Variants in UBE2E2 observed in about 807,000 individuals in gnomAD.
UBE2E2 encodes ubiquitin-conjugating enzyme E2 E2.
UBE2E2 carries 6 observed loss-of-function variants against 24.7 expected under a neutral mutation model. That is an observed-to-expected ratio of 0.24 (90% confidence interval 0.13 to 0.48). The LOEUF is 0.48. Among genes scored for constraint, UBE2E2 ranks in the 20% least tolerant of loss-of-function variants. UBE2E2 has a pLI of 0.99. For missense variants in UBE2E2, 169 were observed against 245.0 expected (o/e 0.69, Z 2.07); for synonymous variants, 104 against 83.6 (o/e 1.24, Z -1.33).
intron 3 of UBE2E2, among the ~76,000 whole-genome samples, chr3:23,314,126 G>A (rs1371217028): frequency 6.6e-6 from 1 of 152,012 alleles, no homozygotes; most frequent in South Asian, 2.1e-4. Context: ...AGTTGCTGTA[G>A]TTACTCTTTT....
intron 4 of UBE2E2, among the ~76,000 whole-genome samples, chr3:23,500,975 C>A (rs898355047): frequency 6.6e-6 from 1 of 152,152 alleles, no homozygotes; most frequent in African/African-American, 2.4e-5. Flanking sequence ...CCACCAAGAG[C>A]TTGCATTTGG....
rs184555409 is a variant in UBE2E2 at position 23,491,165 on chromosome 3, T to A, written c.228-8443T>A. Among the ~76,000 whole-genome samples, 849 of 151,790 alleles carry A rather than the reference T, an allele frequency of 5.6e-3. 7 individuals carry two copies. Among genetic ancestry groups the A allele is most frequent in the Middle Eastern group, 0.017 (5 of 294 alleles). On this transcript the variant is annotated intron_variant, in intron 3 of 5. Transcript: ENST00000396703. ...GTAGACTTTGGCAGTATTGGTTTTT[T>A]AAAAAAAAATTAATGAATACAAATA...
intron 4 of UBE2E2, among the ~76,000 whole-genome samples, chr3:23,529,162 G>A (rs1439911011): frequency 6.6e-6 from 1 of 152,208 alleles, no homozygotes; most frequent in Non-Finnish European, 1.5e-5. Flanking sequence ...AGGCAACTAT[G>A]GCTATCGCAG....
At chr3:23,443,363 T>C (rs1280211497) in intron 3 of UBE2E2, among the ~76,000 whole-genome samples, 1 of 152,140 alleles carries the variant, frequency 6.6e-6, no homozygotes, top group Admixed American at 6.5e-5. Context: ...ACAAGGAGAA[T>C]ATGGTTTGGT....
At chr3:23,529,954 T>C (rs1257524430) in intron 4 of UBE2E2, among the ~76,000 whole-genome samples, 3 of 152,260 alleles carry the variant, frequency 2.0e-5, no homozygotes, top group African/African-American at 7.2e-5. Context: ...TACAACTGTT[T>C]TAGCTGAGTC....
chr3:23,354,094 C>T (rs892487430), intron 3 of UBE2E2, among the ~76,000 whole-genome samples: 21 of 152,122 alleles, frequency 1.4e-4, no homozygotes, highest in African/African-American at 5.1e-4. Context: ...ATATCTACAA[C>T]TATCTGATCT....
intron 3 of UBE2E2, among the ~76,000 whole-genome samples, chr3:23,365,371 T>G (rs1696226020): frequency 6.6e-6 from 1 of 152,182 alleles, no homozygotes; most frequent in African/African-American, 2.4e-5. Flanking sequence ...GAAAACCCCA[T>G]AGCCACTGCC....
intron 3 of UBE2E2, among the ~76,000 whole-genome samples, chr3:23,219,983 G>C (rs1696581401): frequency 6.6e-6 from 1 of 151,986 alleles, no homozygotes; most frequent in Non-Finnish European, 1.5e-5. Context: ...TCTGAATTTT[G>C]GTGCATCTCT....
At chr3:23,480,160 G>A (rs752058758) in intron 3 of UBE2E2, among the ~76,000 whole-genome samples, 12 of 152,160 alleles carry the variant, frequency 7.9e-5, no homozygotes, top group African/African-American at 2.4e-4. Flanking sequence ...CAGTGCCCCC[G>A]GCCTCCCTCC....
At chr3:23,222,854 C>T (rs1696694097) in intron 3 of UBE2E2, among the ~76,000 whole-genome samples, 1 of 152,150 alleles carries the variant, frequency 6.6e-6, no homozygotes, top group African/African-American at 2.4e-5. Flanking sequence ...GAGCCTTCCC[C>T]TTTCTCCGCA....
intron 3 of UBE2E2, among the ~76,000 whole-genome samples, chr3:23,400,863 T>C (rs1208510547): frequency 6.6e-6 from 1 of 152,144 alleles, no homozygotes; most frequent in Non-Finnish European, 1.5e-5. Flanking sequence ...TACTTAAGGC[T>C]ATTCTGGGTA....
chr3:23,426,181 G>T (rs1333530319), intron 3 of UBE2E2, among the ~76,000 whole-genome samples: 1 of 152,000 alleles, frequency 6.6e-6, no homozygotes, highest in East Asian at 1.9e-4. Flanking sequence ...TATGTCAGTA[G>T]AAACTTCCAA....
Position 23,324,859 on chromosome 3 carries a change from G to C in UBE2E2, c.227+107547G>C, listed in dbSNP as rs971349251. On this transcript the variant is annotated intron_variant, in intron 3 of 5. Coordinates refer to ENST00000396703, the MANE Select transcript of UBE2E2 (RefSeq NM_152653.4). The stretch of plus-strand genomic sequence containing the variant: ...CTGTGGTATTTTGTTTTGTTAAATA[G>C]TGTGTTATATAATGAATAGTGGAAT... 7.9e-5 allele frequency among the ~76,000 whole-genome samples: 12 copies of C among 151,864 alleles called. 2 individuals are homozygous for C. Among genetic ancestry groups the C allele is most frequent in the Admixed American group, 2.0e-4 (3 of 15,244 alleles).
At chr3:23,266,923 T>C (rs1168540799) in intron 3 of UBE2E2, among the ~76,000 whole-genome samples, 1 of 152,082 alleles carries the variant, frequency 6.6e-6, no homozygotes, top group African/African-American at 2.4e-5. Flanking sequence ...TGCAACTACA[T>C]GGAAACTGAA....
At chr3:23,350,704 T>C (rs1292271583) in intron 3 of UBE2E2, among the ~76,000 whole-genome samples, 2 of 152,216 alleles carry the variant, frequency 1.3e-5, no homozygotes, top group Non-Finnish European at 2.9e-5. Flanking sequence ...TAAAAAGATA[T>C]GAACAAAGCC....
chr3:23,456,687 G>T (rs1698686922), intron 3 of UBE2E2, among the ~76,000 whole-genome samples: 1 of 152,214 alleles, frequency 6.6e-6, no homozygotes, highest in South Asian at 2.1e-4. Context: ...AAACTGTGCA[G>T]TAAACAAGTG....
intron 3 of UBE2E2, among the ~76,000 whole-genome samples, chr3:23,320,886 G>T (rs1003579931): frequency 6.6e-6 from 1 of 152,192 alleles, no homozygotes; most frequent in African/African-American, 2.4e-5. Context: ...TCCTAGGGCT[G>T]CTGTAACAAA....
At chr3:23,271,017 TCTTA>T (rs1342002782) in intron 3 of UBE2E2, 3 of 456,772 alleles carry the variant, frequency 6.6e-6, no homozygotes, top group Middle Eastern at 6.5e-4. Flanking sequence ...GCAGACTTCA[TCTTA>T]CTTCTATTCA....
chr3:23,482,541 T>TCGAC, intron 3 of UBE2E2, among the ~76,000 whole-genome samples: 2 of 152,254 alleles, frequency 1.3e-5, no homozygotes, highest in East Asian at 3.9e-4. Context: ...CACGCTGTTC[T>TCGAC]TGACTCCCTT....
Sources: gnomAD v4.1 joint callset for allele counts (sites outside exome capture counted in the v4.1 genomes callset) on GRCh38, gnomAD v4.1.1 for gene constraint, MANE v1.5 for transcripts, NCBI Gene and HGNC (gene_info 2026-07-23, HGNC 2026-07-21) for gene names.